ZNF407: variants seen among roughly 807,000 people sequenced by gnomAD.
ZNF407 encodes zinc finger protein 407.
Under a neutral mutation model 131.2 loss-of-function variants are expected in ZNF407, and 17 were observed. The observed-to-expected ratio is 0.13, with a 90% CI of 0.09 to 0.19. The LOEUF (loss-of-function observed/expected upper bound fraction) is 0.19. ZNF407 is among the 10% of genes least tolerant of loss of function. The probability of loss-of-function intolerance (pLI) is 1.00; values close to 1 mark genes in which losing one functional copy is unlikely to be tolerated. For missense variants in ZNF407, 2,681 were observed against 2,830.6 expected (o/e 0.95, Z 1.20); for synonymous variants, 1,156 against 1,062.0 (o/e 1.09, Z -1.72).
At chr18:74,752,067 G>A (rs1018058714) in intron 3 of ZNF407, among the ~76,000 whole-genome samples, 3 of 152,060 alleles carry the variant, frequency 2.0e-5, no homozygotes, top group African/African-American at 4.8e-5. Flanking sequence ...TTGCCATTCT[G>A]ACTGGTGTGA....
chr18:74,781,598 C>A, intron 4 of ZNF407, 96 bp downstream of exon 4: 1 of 849,572 alleles, frequency 1.2e-6, no homozygotes, highest in Non-Finnish European at 1.7e-6. Context: ...TTTTTCACAT[C>A]AGTTAATCAT....
At chr18:74,779,109 A>ATATATATATATTTTTTTTTTTT (rs397943457) in intron 3 of ZNF407, among the ~76,000 whole-genome samples, 2 of 24,376 alleles carry the variant, frequency 8.2e-5, no homozygotes, top group Non-Finnish European at 1.4e-4. Context: ...ATATATATAT[A>ATATATATATATTTTTTTTTTTT]TTTTTTTTTT....
intron 8 of ZNF407, among the ~76,000 whole-genome samples, chr18:74,958,917 G>A (rs568004351): frequency 7.2e-5 from 11 of 152,308 alleles, no homozygotes; most frequent in Admixed American, 6.5e-4. Flanking sequence ...TAATTGCAGG[G>A]TTGACAGGTG....
At chr18:74,973,450 A>C (rs777144296) in intron 8 of ZNF407, among the ~76,000 whole-genome samples, 1 of 152,296 alleles carries the variant, frequency 6.6e-6, no homozygotes, top group Non-Finnish European at 1.5e-5. Flanking sequence ...ATTTCTGTCA[A>C]TGTAGGCTAG....
chr18:74,752,732 A>G (rs572516503), intron 3 of ZNF407, among the ~76,000 whole-genome samples: 8 of 152,178 alleles, frequency 5.3e-5, no homozygotes, highest in African/African-American at 1.4e-4. Context: ...CCATTGGTTT[A>G]TATCTCTGTT....
In ZNF407 at chr18:74,657,520, G is replaced by T. The variant is rs79426416; in HGVS notation, c.4802+16398G>T. ...GATAAACCTGGTTACTTAACCATTC[G>T]TCTCCTGTAGCCCTGCTGTTGTGTA... On this transcript the variant is annotated intron_variant, in intron 3 of 8. Transcript: ENST00000299687. Among the ~76,000 whole-genome samples the T allele has an allele frequency of 6.1e-3, 932 of 152,216 alleles. 13 individuals are homozygous for T. Among genetic ancestry groups the T allele is most frequent in the African/African-American group, 0.021 (877 of 41,526 alleles).
In ZNF407 at chr18:74,781,567, A is replaced by G. The variant is rs201582548; in HGVS notation, c.4877+65A>G. 14 of 1,265,286 alleles carry G rather than the reference A, an allele frequency of 1.1e-5. No homozygotes were observed. The East Asian group carries it at 3.8e-4, about 34-fold the overall frequency. The allele number at this position is 1,265,286 out of a possible 1,614,324, so 78.4% of individuals were successfully genotyped here. On this transcript the variant is annotated intron_variant, in intron 4 of 8. Transcript: ENST00000299687. ...TGATTTTTATTTTAGGCTTTATTTAATGACATGACTTCTAGACTTTTTTTT... is the reference window on the plus strand; with the variant it reads ...TGATTTTTATTTTAGGCTTTATTTAGTGACATGACTTCTAGACTTTTTTTT...
chr18:74,825,088 T>C (rs541773770), intron 4 of ZNF407, among the ~76,000 whole-genome samples: 3 of 152,280 alleles, frequency 2.0e-5, no homozygotes, highest in South Asian at 4.1e-4. Context: ...ATCCATCACA[T>C]AAACAGAACC....
At chr18:74,762,320 G>C (rs993308539) in intron 3 of ZNF407, among the ~76,000 whole-genome samples, 2 of 152,058 alleles carry the variant, frequency 1.3e-5, no homozygotes, top group African/African-American at 4.8e-5. Context: ...ACTTGTGTAT[G>C]AGTGTATAAT....
chr18:75,063,614 C>A lies in ZNF407; in HGVS notation c.5893C>A (p.Gln1965Lys). ...CCTCAGTCCAGGTGGCGCTGTGATA[C>A]AACAGGTGACCAAGCAGGAGATTTT... ...ESLSPGGAVI[Q>K]QVTKQEILNL... Residue 1965 changes from glutamine to lysine, a missense_variant, in exon 9 of 9, where the codon CAA becomes AAA. Gln to Lys is a moderately conservative substitution (Grantham distance 53). Coordinates refer to ENST00000299687, the MANE Select transcript of ZNF407 (RefSeq NM_017757.3). This position sits in a 1 kb window ranked among gnomAD's most constrained non-coding sequence, Gnocchi z 6.6. 1 of 1,581,536 alleles carries A rather than the reference C, an allele frequency of 6.3e-7. No homozygotes were observed. The highest frequency in any genetic ancestry group is 8.6e-7 in the Non-Finnish European group (1 of 1,165,222).
At chr18:74,639,425 C>T (rs1984608279) in intron 2 of ZNF407, among the ~76,000 whole-genome samples, 1 of 152,138 alleles carries the variant, frequency 6.6e-6, no homozygotes, top group Non-Finnish European at 1.5e-5. Context: ...ATTGGTTCTT[C>T]ACACACCTTA....
chr18:74,832,520 T>G (rs74885964), intron 4 of ZNF407, among the ~76,000 whole-genome samples: 3,661 of 152,152 alleles, frequency 0.024, 124 homozygotes, highest in African/African-American at 0.083. Flanking sequence ...AGTAGTATGA[T>G]TATAGCTCCC....
intron 7 of ZNF407, among the ~76,000 whole-genome samples, chr18:74,895,345 C>G (rs1008358023): frequency 1.3e-4 from 20 of 151,838 alleles, no homozygotes; most frequent in African/African-American, 4.9e-4. Context: ...GATTTCACAT[C>G]TAAACATTTT....
chr18:74,600,701 G>T (rs1364787269), intron 1 of ZNF407, among the ~76,000 whole-genome samples: 1 of 152,164 alleles, frequency 6.6e-6, no homozygotes, highest in African/African-American at 2.4e-5. Context: ...GATAAAGAGC[G>T]GTTAGGGAAT....
intron 1 of ZNF407, among the ~76,000 whole-genome samples, chr18:74,624,677 C>T (rs977260808): frequency 2.0e-5 from 3 of 152,196 alleles, no homozygotes; most frequent in Non-Finnish European, 4.4e-5. Context: ...ACCTGGTCGA[C>T]CAGCTGCCAG....
intron 3 of ZNF407, among the ~76,000 whole-genome samples, chr18:74,657,901 T>TTTCTTCTTCTTCTTC (rs58407278): frequency 8.5e-4 from 126 of 147,776 alleles, no homozygotes; most frequent in South Asian, 2.6e-3. Flanking sequence ...CTCCTTTTCC[T>TTTCTTCTTCTTCTTC]TTCTTCTTCT....
intron 6 of ZNF407, among the ~76,000 whole-genome samples, chr18:74,882,554 T>C (rs2145187241): frequency 6.6e-6 from 1 of 152,364 alleles, no homozygotes; most frequent in East Asian, 1.9e-4. Flanking sequence ...TGCAAGCTAA[T>C]GCCAGCCATT....
intron 4 of ZNF407, among the ~76,000 whole-genome samples, chr18:74,788,782 CTGAG>C (rs994484489): frequency 1.5e-4 from 22 of 149,242 alleles, no homozygotes; most frequent in South Asian, 4.2e-4. Flanking sequence ...TCTGTGTATC[CTGAG>C]TATTATTTTA....
At chr18:74,979,782 A>T (rs552965936) in intron 8 of ZNF407, among the ~76,000 whole-genome samples, 79 of 152,346 alleles carry the variant, frequency 5.2e-4, no homozygotes, top group African/African-American at 1.8e-3. Context: ...ACCATTTATT[A>T]TTAATGAAAT....
Sources: allele counts gnomAD v4.1 joint callset (sites outside exome capture counted in the v4.1 genomes callset), GRCh38; gene constraint gnomAD v4.1.1; non-coding constraint Gnocchi (gnomAD v3.1); transcripts MANE v1.5; gene names NCBI Gene and HGNC (gene_info 2026-07-23, HGNC 2026-07-21).